MYBPC1: variants seen among roughly 807,000 people sequenced by gnomAD.
MYBPC1 encodes the protein myosin-binding protein C, slow-type.
Under a neutral mutation model 147.1 loss-of-function variants are expected in MYBPC1, and 52 were observed. The observed-to-expected ratio is 0.35, with a 90% CI of 0.28 to 0.45. MYBPC1 has a LOEUF of 0.45. Ranked by LOEUF, MYBPC1 falls within the 20% of genes least tolerant of loss-of-function variation. The pLI is 1.00. For synonymous variants in MYBPC1, 477 were observed against 475.9 expected, an observed-to-expected ratio of 1.00 and a Z score of -0.03; for missense variants, 1,228 against 1,440.3, an observed-to-expected ratio of 0.85 and a Z score of 2.39.
downstream of MYBPC1, among the ~76,000 whole-genome samples, chr12:101,689,140 A>G (rs1027459322): frequency 2.0e-5 from 3 of 152,304 alleles, no homozygotes; most frequent in African/African-American, 4.8e-5. Flanking sequence ...TGTGTGTATC[A>G]TGCTAGGATG....
chr12:101,647,810 C>G (rs1048484256), intron 13 of MYBPC1, among the ~76,000 whole-genome samples: 2 of 152,116 alleles, frequency 1.3e-5, no homozygotes, highest in African/African-American at 4.8e-5. Context: ...TTGCTTGAAC[C>G]TAGGGGGTGG....
chr12:101,619,880 A>G (rs1315061501), intron 3 of MYBPC1, among the ~76,000 whole-genome samples: 2 of 152,242 alleles, frequency 1.3e-5, no homozygotes, highest in South Asian at 2.1e-4. Context: ...ATTCTGCAAC[A>G]GCTCAGAAAT....
chr12:101,680,693 G>A (rs1322842136), intron 29 of MYBPC1, among the ~76,000 whole-genome samples, 164 bp downstream of exon 29: 1 of 152,208 alleles, frequency 6.6e-6, no homozygotes, highest in Non-Finnish European at 1.5e-5. Flanking sequence ...TTAAGGGAGA[G>A]AAGACATTTT....
At chr12:101,662,232 A>G in intron 20 of MYBPC1, 126 bp from the exon 21 acceptor site, 2 of 747,022 alleles carry the variant, frequency 2.7e-6, no homozygotes. Flanking sequence ...AAATATTTAC[A>G]TACATATATG....
chr12:101,654,634 G>A (rs928326042), intron 18 of MYBPC1, among the ~76,000 whole-genome samples: 20 of 152,110 alleles, frequency 1.3e-4, no homozygotes, highest in African/African-American at 4.8e-4. Context: ...AGAGGAACAC[G>A]CTCAAGTATT....
the MYBPC1 span, among the ~76,000 whole-genome samples, chr12:101,693,575 T>C: frequency 2.0e-5 from 3 of 152,102 alleles, no homozygotes; most frequent in Non-Finnish European, 4.4e-5. Context: ...ACCCCATCTC[T>C]ACTAAAAATA....
At chr12:101,677,741 G>A (rs10778137) in intron 27 of MYBPC1, among the ~76,000 whole-genome samples, 48,341 of 151,974 alleles carry the variant, frequency 0.32, 7,863 homozygotes, top group East Asian at 0.39. Flanking sequence ...GACCCACTCT[G>A]TGATAAAAGG....
In MYBPC1 at chr12:101,659,523, A is replaced by G. The variant is rs1298027615; in HGVS notation, c.1768-149A>G. 6.2e-6 allele frequency: 5 copies of G among 800,746 alleles called. No individual in the cohort carries two copies. The African/African-American group carries it at 8.6e-5, about 14-fold the overall frequency. The allele number at this position is 800,746 out of a possible 1,614,324, so 49.6% of individuals were successfully genotyped here. On this transcript the variant is annotated intron_variant, in intron 18 of 31. Transcript: ENST00000361466. ...AACATATAATAGGCATGAACACTAT[A>G]TAGTTACACTATATAGTCCACCAAA... is the stretch of plus-strand genomic sequence containing the variant.
In MYBPC1 at chr12:101,673,474, T is replaced by C. The variant is rs2136708471; in HGVS notation, c.2661T>C (p.Ile887=). 6.2e-7 allele frequency: 1 copy of C among 1,613,658 alleles called. No individual in the cohort carries two copies. The highest frequency in any genetic ancestry group is 8.5e-7 in the Non-Finnish European group (1 of 1,179,980). The change falls in exon 25 of 32, where the codon ATT becomes ATC. Residue 887 remains isoleucine (I), a synonymous_variant. Coordinates refer to ENST00000361466, the MANE Select transcript of MYBPC1 (RefSeq NM_002465.4). ...CTTGGAAGAAGGATGGTGCAGAAAT[T>C]GATAAGAATCAAATAAACATTCGCA... ...ELTWKKDGAE[I]DKNQINIRNS...
chr12:101,630,874 T>C (rs1889745185), intron 6 of MYBPC1, among the ~76,000 whole-genome samples: 1 of 152,198 alleles, frequency 6.6e-6, no homozygotes, highest in South Asian at 2.1e-4. Context: ...CTTTGACACT[T>C]ATCAATATTA....
At chr12:101,666,896 C>CAG in intron 22 of MYBPC1, 22 of 422,788 alleles carry the variant, frequency 5.2e-5, no homozygotes, top group Non-Finnish European at 6.3e-5. Flanking sequence ...CACATACATA[C>CAG]ACACACACAC....
chr12:101,617,902 G>A (rs1172334178), intron 3 of MYBPC1, among the ~76,000 whole-genome samples: 1 of 152,114 alleles, frequency 6.6e-6, no homozygotes, highest in African/African-American at 2.4e-5. Flanking sequence ...TGGAAGAAAT[G>A]ATTATCATTA....
intron 13 of MYBPC1, 95 bp downstream of exon 13, chr12:101,646,982 A>G (rs924491159): frequency 2.0e-6 from 3 of 1,482,910 alleles, no homozygotes; most frequent in African/African-American, 1.4e-5. Flanking sequence ...GCTCCTCTAC[A>G]CTGGCAGCTA....
chr12:101,694,523 C>G, the MYBPC1 span, among the ~76,000 whole-genome samples: 4 of 152,196 alleles, frequency 2.6e-5, no homozygotes, highest in East Asian at 5.8e-4. Flanking sequence ...GGGATTAGTG[C>G]CTTTATAAGG....
At chr12:101,603,805 T>C (rs939141152) in intron 1 of MYBPC1, among the ~76,000 whole-genome samples, 8 of 152,042 alleles carry the variant, frequency 5.3e-5, no homozygotes, top group Non-Finnish European at 1.0e-4. Flanking sequence ...GATGTGGTGG[T>C]GTACACCTGT....
At chr12:101,630,535 A>T (rs758508922) in intron 6 of MYBPC1, among the ~76,000 whole-genome samples, 1 of 152,340 alleles carries the variant, frequency 6.6e-6, no homozygotes, top group Non-Finnish European at 1.5e-5. Flanking sequence ...GTCTGCTGAC[A>T]TTACCATAAC....
intron 1 of MYBPC1, among the ~76,000 whole-genome samples, chr12:101,603,372 C>G (rs1402611712): frequency 6.6e-6 from 1 of 151,292 alleles, no homozygotes; most frequent in Non-Finnish European, 1.5e-5. Flanking sequence ...AGATTTCTCT[C>G]TCTTATCAGG....
chr12:101,612,333 A>G (rs1338519950), intron 1 of MYBPC1, among the ~76,000 whole-genome samples: 1 of 152,158 alleles, frequency 6.6e-6, no homozygotes, highest in African/African-American at 2.4e-5. Flanking sequence ...TGCACAATGA[A>G]TAAGGCAGAG....
chr12:101,694,713 G>A, the MYBPC1 span, among the ~76,000 whole-genome samples: 18 of 150,972 alleles, frequency 1.2e-4, no homozygotes, highest in Non-Finnish European at 2.4e-4. Context: ...AAACTATTCA[G>A]TCTACGGTAT....
Sources: allele counts gnomAD v4.1 joint callset (sites outside exome capture counted in the v4.1 genomes callset), GRCh38; gene constraint gnomAD v4.1.1; transcripts MANE v1.5; gene names NCBI Gene and HGNC (gene_info 2026-07-23, HGNC 2026-07-21).